The following OR10J1 variants were observed in gnomAD, a reference collection of about 807,000 sequenced individuals.
OR10J1 encodes olfactory receptor 10J1.
For missense variants in OR10J1, 474 were observed against 376.6 expected, an observed-to-expected ratio of 1.26 and a Z score of -2.14; for synonymous variants, 202 against 143.8, an observed-to-expected ratio of 1.40 and a Z score of -2.89.
chr1:159,401,605 AC>A, the OR10J1 span, among the ~76,000 whole-genome samples: 1 of 152,038 alleles, frequency 6.6e-6, no homozygotes, highest in Non-Finnish European at 1.5e-5. Context: ...TGAAGCCATA[AC>A]AAAAAGTTTC....
At chr1:159,404,185 A>G in the OR10J1 span, among the ~76,000 whole-genome samples, 1 of 152,104 alleles carries the variant, frequency 6.6e-6, no homozygotes, top group African/African-American at 2.4e-5. Flanking sequence ...AATAAGGCCT[A>G]CTATTTGATA....
chr1:159,400,164 G>A, the OR10J1 span, among the ~76,000 whole-genome samples: 1 of 151,942 alleles, frequency 6.6e-6, no homozygotes, highest in Admixed American at 6.6e-5. Context: ...AAGAGTAAGT[G>A]TGCACATGTA....
At chr1:159,405,918 G>T in the OR10J1 span, 1 of 526,160 alleles carries the variant, frequency 1.9e-6, no homozygotes, top group East Asian at 3.9e-5. Context: ...CCATGCCCAG[G>T]CCAATCCTCA....
the OR10J1 span, among the ~76,000 whole-genome samples, chr1:159,413,766 C>T: frequency 6.6e-6 from 1 of 150,904 alleles, no homozygotes; most frequent in South Asian, 2.1e-4. Flanking sequence ...GTGCAGCACA[C>T]CAGCATGGCA....
At chr1:159,405,780 G>T in the OR10J1 span, 4 of 1,345,920 alleles carry the variant, frequency 3.0e-6, no homozygotes, top group South Asian at 1.2e-5. Flanking sequence ...CAACAAAGTT[G>T]ATTATCTCAT....
chr1:159,440,407 C>G lies in OR10J1; in HGVS notation c.616C>G (p.Leu206Val), dbSNP rs763487985. The G allele has an allele frequency of 1.2e-5, 20 of 1,614,008 alleles. No individual in the cohort carries two copies. Among genetic ancestry groups the G allele is most frequent in the Non-Finnish European group, 1.7e-5 (20 of 1,180,002 alleles). The change falls in exon 1 of 1, where the codon CTT becomes GTT. Residue 206 changes from leucine to valine, a missense_variant. By Grantham distance (32) the Leu-to-Val change is conservative. Coordinates refer to ENST00000423932, the MANE Select transcript of OR10J1 (RefSeq NM_012351.3). ...GACTTTGATTATCAGTGTGCTGGTGCTTGTTGTACCTATGGGTCTGGTTTT... is the reference window on the plus strand; with the variant it reads ...GACTTTGATTATCAGTGTGCTGGTGGTTGTTGTACCTATGGGTCTGGTTTT... The part of the protein sequence containing the change: ...ILTLIISVLV[L>V]VVPMGLVFIS...
upstream of OR10J1, among the ~76,000 whole-genome samples, chr1:159,434,597 C>G (rs1655683406): frequency 6.6e-6 from 1 of 152,136 alleles, no homozygotes; most frequent in Admixed American, 6.6e-5. Context: ...GATGCTAAAA[C>G]AGTATGATAT....
chr1:159,405,941 C>T, the OR10J1 span: 9 of 494,200 alleles, frequency 1.8e-5, no homozygotes, highest in South Asian at 1.7e-4. Flanking sequence ...GACCCAGATC[C>T]CAGCCAGACA....
chr1:159,418,329 T>C, the OR10J1 span, among the ~76,000 whole-genome samples: 1 of 151,980 alleles, frequency 6.6e-6, no homozygotes, highest in Non-Finnish European at 1.5e-5. Flanking sequence ...GAAAAAGGGG[T>C]TTCCTGGGCC....
chr1:159,417,818 A>G, the OR10J1 span, among the ~76,000 whole-genome samples: 1 of 152,240 alleles, frequency 6.6e-6, no homozygotes, highest in Non-Finnish European at 1.5e-5. Context: ...GGAACTACCT[A>G]GAAACATATT....
the OR10J1 span, among the ~76,000 whole-genome samples, chr1:159,403,578 C>G: frequency 6.6e-6 from 1 of 152,050 alleles, no homozygotes; most frequent in South Asian, 2.1e-4. Context: ...CATCTCACCC[C>G]AGTTAAATGG....
the OR10J1 span, among the ~76,000 whole-genome samples, chr1:159,401,299 C>T: frequency 1.3e-5 from 2 of 151,586 alleles, no homozygotes; most frequent in African/African-American, 4.8e-5. Context: ...CACAAAAGAT[C>T]AATGTAATAA....
chr1:159,436,743 T>G (rs959998755), upstream of OR10J1, among the ~76,000 whole-genome samples: 1 of 152,094 alleles, frequency 6.6e-6, no homozygotes, highest in Admixed American at 6.6e-5. Flanking sequence ...ACAGGAGAGA[T>G]AAGCGAGAAT....
the OR10J1 span, among the ~76,000 whole-genome samples, chr1:159,404,447 G>A: frequency 3.8e-4 from 58 of 152,168 alleles, no homozygotes; most frequent in South Asian, 0.011. Context: ...TGTGCAGTGC[G>A]CGACAGTGCC....
At chr1:159,399,570 C>CAAAAAAAAAAAAAAAA in the OR10J1 span, among the ~76,000 whole-genome samples, 1 of 56,104 alleles carries the variant, frequency 1.8e-5, no homozygotes, top group African/African-American at 7.3e-5. Flanking sequence ...GATTCTGTCT[C>CAAAAAAAAAAAAAAAA]AAAAAAAAAA....
the OR10J1 span, among the ~76,000 whole-genome samples, chr1:159,408,203 T>G: frequency 0.11 from 16,387 of 151,896 alleles, 1,124 homozygotes; most frequent in East Asian, 0.23. Context: ...TAGCAAAGAC[T>G]TGGAACCAAC....
the OR10J1 span, among the ~76,000 whole-genome samples, chr1:159,399,638 C>T: frequency 7.7e-6 from 1 of 130,698 alleles, no homozygotes; most frequent in African/African-American, 2.8e-5. Context: ...AAGAAAATAA[C>T]ATTAATGAGC....
chr1:159,432,937 C>G (rs1338087103), upstream of OR10J1: 2 of 431,494 alleles, frequency 4.6e-6, no homozygotes, highest in Non-Finnish European at 4.1e-6. Context: ...GTGCCTCACA[C>G]CTCACAGTGG....
chr1:159,410,925 C>T, the OR10J1 span, among the ~76,000 whole-genome samples: 4 of 151,694 alleles, frequency 2.6e-5, no homozygotes, highest in East Asian at 1.9e-4. Flanking sequence ...TTTCAAAGAA[C>T]ATCTTTATTT....
Sources: allele counts gnomAD v4.1 joint callset (sites outside exome capture counted in the v4.1 genomes callset), GRCh38; gene constraint gnomAD v4.1.1; transcripts MANE v1.5; gene names NCBI Gene and HGNC (gene_info 2026-07-23, HGNC 2026-07-21).